Variants in TNR observed in about 807,000 individuals in gnomAD.
TNR encodes the protein tenascin R.
TNR carries 45 observed loss-of-function variants against 150.4 expected under a neutral mutation model. The ratio of observed to expected loss-of-function variants is 0.30; its 90% CI spans 0.24 to 0.38. The LOEUF (loss-of-function observed/expected upper bound fraction) is 0.38, where lower values mean the gene tolerates loss of function less well. TNR is among the 10% of genes least tolerant of loss of function. TNR has a pLI of 1.00. For synonymous variants in TNR, 687 were observed against 678.4 expected, an observed-to-expected ratio of 1.01 and a Z score of -0.20; for missense variants, 1,544 against 1,759.1, an observed-to-expected ratio of 0.88 and a Z score of 2.19.
chr1:175,671,286 G>C (rs1434671091), intron 1 of TNR, among the ~76,000 whole-genome samples: 1 of 152,220 alleles, frequency 6.6e-6, no homozygotes, highest in African/African-American at 2.4e-5. Context: ...TTTATGCTCA[G>C]TTCTCAGGAG....
intron 1 of TNR, among the ~76,000 whole-genome samples, chr1:175,555,653 G>C (rs7418337): frequency 0.13 from 20,233 of 152,166 alleles, 1,465 homozygotes; most frequent in Non-Finnish European, 0.17. Context: ...ATTGTCAAGG[G>C]TATTTGGTCT....
chr1:175,428,486 T>A (rs1357031345), intron 2 of TNR, among the ~76,000 whole-genome samples: 3 of 152,174 alleles, frequency 2.0e-5, no homozygotes, highest in African/African-American at 7.2e-5. Context: ...TGCTTAAAAA[T>A]ACATCATCTA....
At chr1:175,591,837 T>G (rs1662811323) in intron 1 of TNR, among the ~76,000 whole-genome samples, 1 of 152,178 alleles carries the variant, frequency 6.6e-6, no homozygotes, top group African/African-American at 2.4e-5. Flanking sequence ...ACAAGCAATA[T>G]GAGGGAATGA....
chr1:175,324,654 T>C, intron 21 of TNR, 135 bp from the exon 22 acceptor site: 1 of 1,049,616 alleles, frequency 9.5e-7, no homozygotes. Context: ...TTTCTCAGAG[T>C]GGCTGTGCTG....
intron 2 of TNR, among the ~76,000 whole-genome samples, chr1:175,414,488 A>G (rs1054232062): frequency 5.3e-5 from 8 of 152,192 alleles, no homozygotes; most frequent in African/African-American, 1.7e-4. Context: ...AGTTGCAGTA[A>G]TTCGATAGAT....
intron 1 of TNR, among the ~76,000 whole-genome samples, chr1:175,712,162 C>G (rs573076558): frequency 3.9e-5 from 6 of 152,286 alleles, no homozygotes; most frequent in African/African-American, 1.2e-4. Context: ...ATTTGCTTCT[C>G]ATAACAACCC....
At chr1:175,505,906 T>TG (rs11383835) in intron 2 of TNR, among the ~76,000 whole-genome samples, 152,318 of 152,318 alleles carry the variant, frequency 1, 76,159 homozygotes, top group Non-Finnish European at 1. Context: ...CCAGGCCTGG[T>TG]GCACATGCCT....
chr1:175,622,887 A>T (rs535331004), intron 1 of TNR, among the ~76,000 whole-genome samples: 1 of 152,224 alleles, frequency 6.6e-6, no homozygotes, highest in East Asian at 1.9e-4. Flanking sequence ...ATCTGTCTTC[A>T]TATTTACATG....
chr1:175,623,672 C>T (rs1159149798), intron 1 of TNR, among the ~76,000 whole-genome samples: 2 of 152,270 alleles, frequency 1.3e-5, no homozygotes, highest in Admixed American at 6.5e-5. Flanking sequence ...CACTCACACC[C>T]TGTCCTTTGC....
chr1:175,329,859 C>T (rs1649632128), intron 21 of TNR, among the ~76,000 whole-genome samples: 1 of 152,206 alleles, frequency 6.6e-6, no homozygotes, highest in South Asian at 2.1e-4. Context: ...GATGATGAAA[C>T]TGAAGTCCTG....
At chr1:175,418,580 G>A (rs1301060319) in intron 2 of TNR, among the ~76,000 whole-genome samples, 1 of 152,168 alleles carries the variant, frequency 6.6e-6, no homozygotes. Flanking sequence ...AAATTAGTTG[G>A]GCGTGGTGGC....
At chr1:175,552,374 A>G (rs970366527) in intron 1 of TNR, among the ~76,000 whole-genome samples, 1 of 152,190 alleles carries the variant, frequency 6.6e-6, no homozygotes, top group African/African-American at 2.4e-5. Flanking sequence ...GCAGGACCCA[A>G]CTGCAGAGAG....
intron 18 of TNR, among the ~76,000 whole-genome samples, chr1:175,338,377 C>T (rs1650346868): frequency 6.6e-6 from 1 of 152,194 alleles, no homozygotes; most frequent in Non-Finnish European, 1.5e-5. Context: ...ATCTAATTAG[C>T]TGAAAGAGGA....
At chr1:175,446,685 TA>T (rs1297182025) in intron 2 of TNR, among the ~76,000 whole-genome samples, 1 of 152,138 alleles carries the variant, frequency 6.6e-6, no homozygotes, top group Non-Finnish European at 1.5e-5. Flanking sequence ...TGTATAATTT[TA>T]AAAAAAGCAA....
At chr1:175,332,406 C>T (rs1022858617) in intron 20 of TNR, among the ~76,000 whole-genome samples, 4 of 152,138 alleles carry the variant, frequency 2.6e-5, no homozygotes, top group Non-Finnish European at 5.9e-5. Flanking sequence ...GTGAAGTCCC[C>T]CAGTAAGTCA....
intron 18 of TNR, among the ~76,000 whole-genome samples, chr1:175,353,851 A>ATTTTTTTTTTTT (rs55981326): frequency 5.5e-4 from 80 of 146,186 alleles, no homozygotes; most frequent in African/African-American, 2.0e-3. Flanking sequence ...ATTTTTATTT[A>ATTTTTTTTTTTT]TTTTTTTTTT....
intron 1 of TNR, among the ~76,000 whole-genome samples, chr1:175,545,414 T>C (rs894361551): frequency 2.0e-5 from 3 of 151,614 alleles, no homozygotes; most frequent in Non-Finnish European, 1.5e-5. Context: ...AAGAAATATA[T>C]AGAGAGAAAC....
At chr1:175,391,486 G>A in intron 6 of TNR, 48 bp from the exon 7 acceptor site, 2 of 1,585,850 alleles carry the variant, frequency 1.3e-6, no homozygotes, top group Non-Finnish European at 1.7e-6. Flanking sequence ...GTCACTGGGA[G>A]AGAAATCTGA....
At chr1:175,439,282 C>T (rs1201827989) in intron 2 of TNR, among the ~76,000 whole-genome samples, 1 of 152,036 alleles carries the variant, frequency 6.6e-6, no homozygotes, top group Non-Finnish European at 1.5e-5. Flanking sequence ...GGAAAGGATT[C>T]CCTATTTAAC....
Sources: gnomAD v4.1 joint callset for allele counts (sites outside exome capture counted in the v4.1 genomes callset) on GRCh38, gnomAD v4.1.1 for gene constraint, MANE v1.5 for transcripts, NCBI Gene and HGNC (gene_info 2026-07-23, HGNC 2026-07-21) for gene names.